The following OSGEPL1 variants were observed in gnomAD, a reference collection of about 807,000 sequenced individuals.
OSGEPL1 encodes the protein O-sialoglycoprotein endopeptidase like 1.
A neutral mutation model predicts 37.2 loss-of-function variants in OSGEPL1; 26 were observed. The observed-to-expected ratio is 0.70, with a 90% confidence interval of 0.51 to 0.97. The LOEUF is 0.97. Ranked by LOEUF, OSGEPL1 falls within the 50% of genes least tolerant of loss-of-function variation. OSGEPL1 has a pLI of 0.00. For missense variants in OSGEPL1, 404 were observed against 487.0 expected (o/e 0.83, Z 1.60); for synonymous variants, 140 against 159.9 (o/e 0.88, Z 0.94).
At chr2:189,749,185 G>A (rs2044664977) in intron 8 of OSGEPL1, among the ~76,000 whole-genome samples, 1 of 140,636 alleles carries the variant, frequency 7.1e-6, no homozygotes, top group Non-Finnish European at 1.5e-5. Flanking sequence ...GACGGAGGTT[G>A]CAGTGAGCCG....
intron 1 of OSGEPL1, 108 bp downstream of exon 1, chr2:189,762,577 T>C (rs1199292297): frequency 1.0e-6 from 1 of 985,204 alleles, no homozygotes; most frequent in East Asian, 1.1e-4. Flanking sequence ...GTGACTTGGG[T>C]AGCGCTGGTC....
chr2:189,755,902 T>G (rs1267949684), intron 2 of OSGEPL1, among the ~76,000 whole-genome samples: 1 of 152,222 alleles, frequency 6.6e-6, no homozygotes, highest in Non-Finnish European at 1.5e-5. Context: ...TTAATTTCCT[T>G]GCTGACAGAA....
At chr2:189,761,774 T>G in intron 1 of OSGEPL1, 114 bp from the exon 2 acceptor site, 1 of 1,092,136 alleles carries the variant, frequency 9.2e-7, no homozygotes, top group Non-Finnish European at 1.3e-6. Context: ...ACCAAAAGTT[T>G]GTAAAGGCTA....
intron 6 of OSGEPL1, 29 bp from the exon 7 acceptor site, chr2:189,752,753 A>G (rs1015628749): frequency 2.5e-6 from 4 of 1,613,710 alleles, no homozygotes; most frequent in Non-Finnish European, 1.7e-6. Flanking sequence ...AATAAAATCA[A>G]TAGCTCCAAG....
At chr2:189,755,670 G>C in intron 2 of OSGEPL1, 110 bp from the exon 3 acceptor site, 1 of 1,187,052 alleles carries the variant, frequency 8.4e-7, no homozygotes, top group Non-Finnish European at 1.1e-6. Flanking sequence ...AGCTGAGTAA[G>C]TCAAGTATTT....
chr2:189,763,093 A>T, upstream of OSGEPL1: 2 of 985,336 alleles, frequency 2.0e-6, no homozygotes, highest in Non-Finnish European at 2.4e-6. Context: ...CTGTGAGAAA[A>T]GGATGGGGTA....
chr2:189,751,955 G>A (rs2045333013), intron 7 of OSGEPL1, among the ~76,000 whole-genome samples: 1 of 151,216 alleles, frequency 6.6e-6, no homozygotes, highest in African/African-American at 2.4e-5. Context: ...AGACCAGCCT[G>A]GCCAATGTGG....
At position 189,761,600 on chromosome 2, in the gene OSGEPL1, G is replaced by A; in HGVS notation, c.41C>T (p.Pro14Leu). 6.2e-7 allele frequency: 1 copy of A among 1,604,386 alleles called. No homozygotes were observed. Among genetic ancestry groups the A allele is most frequent in the Non-Finnish European group, 8.5e-7 (1 of 1,176,074 alleles). ...AAATTCATAAACTTTCCTTTTTGAT[G>A]GTTTAAAAAAAACTCCTGCAGTCTT... ...LTKTAGVFFK[P>L]SKRKVYEFLR... Residue 14 changes from proline (P) to leucine (L), a missense_variant, in exon 2 of 9, where the codon CCA becomes CTA. Physicochemically the swap from Pro to Leu is moderately conservative, Grantham distance 98 (BLOSUM62 -3). Transcript: ENST00000264151.
chr2:189,761,971 ATTTT>A (rs1024607344), intron 1 of OSGEPL1, among the ~76,000 whole-genome samples: 7 of 152,200 alleles, frequency 4.6e-5, no homozygotes, highest in African/African-American at 1.4e-4. Context: ...AGTGCTATTT[ATTTT>A]TTGACAGCTA....
At chr2:189,761,102 C>T in intron 2 of OSGEPL1, 1 of 196,234 alleles carries the variant, frequency 5.1e-6, no homozygotes. Context: ...TAACAGTTTT[C>T]CTAGGACTTC....
intron 8 of OSGEPL1, among the ~76,000 whole-genome samples, chr2:189,748,843 G>A (rs1353193023): frequency 6.6e-6 from 1 of 152,154 alleles, no homozygotes; most frequent in Non-Finnish European, 1.5e-5. Context: ...CAGGTTATCA[G>A]AGTTTCTTTG....
rs2254167 is a variant in OSGEPL1, at chr2:189,746,733, A to G, written c.*464T>C. 1 allele frequency: 1,215,166 copies of G among 1,220,090 alleles called. 605,265 individuals are homozygous for G. The highest frequency in any genetic ancestry group is 1 in the East Asian group (36,088 of 36,088). The allele number at this position is 1,220,090 out of a possible 1,614,324, so 75.6% of individuals were successfully genotyped here. ...CATAACTGAATAATCTTTTTGAATGAAAGTTCTTGATCTCGATACTAAGCA... is the reference window on the plus strand; with the variant it reads ...CATAACTGAATAATCTTTTTGAATGGAAGTTCTTGATCTCGATACTAAGCA... On this transcript the variant is annotated 3_prime_UTR_variant, in exon 9 of 9. Transcript: ENST00000264151.
At chr2:189,749,047 C>G (rs1029833044) in intron 8 of OSGEPL1, among the ~76,000 whole-genome samples, 1 of 151,964 alleles carries the variant, frequency 6.6e-6, no homozygotes, top group Non-Finnish European at 1.5e-5. Flanking sequence ...GAGTTCGAGA[C>G]CAGCCTAGCC....
intron 2 of OSGEPL1, among the ~76,000 whole-genome samples, chr2:189,758,067 G>A (rs2106046064): frequency 6.6e-6 from 1 of 152,272 alleles, no homozygotes; most frequent in Middle Eastern, 3.4e-3. Flanking sequence ...GATAGTCAAT[G>A]AGTTCTCATG....
At chr2:189,753,505 T>C (rs934318828) in intron 5 of OSGEPL1, among the ~76,000 whole-genome samples, 1 of 152,128 alleles carries the variant, frequency 6.6e-6, no homozygotes. Context: ...TTATCAACAT[T>C]AGTGTCACGA....
chr2:189,751,444 G>GT (rs779920289), intron 7 of OSGEPL1, among the ~76,000 whole-genome samples: 28,572 of 126,052 alleles, frequency 0.23, 3,791 homozygotes, highest in African/African-American at 0.31. Flanking sequence ...GACAAGTTGT[G>GT]TTTTTTTTTT....
rs1574937064 is a variant in OSGEPL1 at position 189,761,320 on chromosome 2, T to C, written c.221+100A>G. 2.3e-6 allele frequency: 3 copies of C among 1,282,250 alleles called. No homozygotes were observed. The East Asian group carries it at 7.4e-5, about 32-fold the overall frequency. 79.4% of individuals were successfully genotyped at this position (1,282,250 alleles called of 1,614,324 possible). A position where few individuals can be genotyped will look rare whatever the true frequency, so the allele number is the denominator to read the frequency against. On this transcript the variant is annotated intron_variant, in intron 2 of 8. Coordinates refer to ENST00000264151, the MANE Select transcript of OSGEPL1 (RefSeq NM_022353.3). ...TATTAAAAGTGTTTGCAAAAAGGAA[T>C]AAGACAGTAGCTCCTGAAAACTTTT...
intron 1 of OSGEPL1, 68 bp from the exon 2 acceptor site, chr2:189,761,728 T>C: frequency 7.1e-6 from 10 of 1,407,442 alleles, no homozygotes; most frequent in Non-Finnish European, 9.3e-6. Flanking sequence ...TTTCAATATA[T>C]AGTTTTACAG....
chr2:189,748,143 GCTTT>G (rs1191731829), intron 8 of OSGEPL1, among the ~76,000 whole-genome samples: 4 of 152,150 alleles, frequency 2.6e-5, no homozygotes, highest in Non-Finnish European at 5.9e-5. Flanking sequence ...TGTACTTAGG[GCTTT>G]CTATGTGCTA....
Sources: allele counts gnomAD v4.1 joint callset (sites outside exome capture counted in the v4.1 genomes callset), GRCh38; gene constraint gnomAD v4.1.1; transcripts MANE v1.5; gene names NCBI Gene and HGNC (gene_info 2026-07-23, HGNC 2026-07-21).